Variants in ITGB8 observed in about 807,000 individuals in gnomAD.
The protein encoded by ITGB8 is integrin beta-8.
ITGB8 carries 30 observed loss-of-function variants against 89.5 expected under a neutral mutation model. The ratio of observed to expected loss-of-function variants is 0.34; its 90% CI spans 0.25 to 0.45. ITGB8 has a LOEUF of 0.45. Ranked by LOEUF, ITGB8 falls within the 20% of genes least tolerant of loss-of-function variation. ITGB8 has a pLI of 1.00. For synonymous variants in ITGB8, 335 were observed against 320.4 expected, an observed-to-expected ratio of 1.05 and a Z score of -0.49; for missense variants, 836 against 933.3, an observed-to-expected ratio of 0.90 and a Z score of 1.36.
chr7:20,353,894 T>A (rs1475965469), intron 1 of ITGB8, among the ~76,000 whole-genome samples: 1 of 110,478 alleles, frequency 9.1e-6, no homozygotes, highest in Non-Finnish European at 1.6e-5. Context: ...ATCGCGCCAC[T>A]GCACTCCAGC....
chr7:20,355,610 C>G (rs544400645), intron 1 of ITGB8, among the ~76,000 whole-genome samples: 1 of 152,242 alleles, frequency 6.6e-6, no homozygotes, highest in South Asian at 2.1e-4. Context: ...GTAGGTTTTT[C>G]TAAGTGAAAG....
chr7:20,400,527 C>A (rs1285687679), intron 9 of ITGB8, among the ~76,000 whole-genome samples: 1 of 152,116 alleles, frequency 6.6e-6, no homozygotes, highest in African/African-American at 2.4e-5. Context: ...TATATTCCAA[C>A]CAAAAAGCTC....
At chr7:20,397,934 C>A (rs1787154935) in intron 8 of ITGB8, among the ~76,000 whole-genome samples, 1 of 151,956 alleles carries the variant, frequency 6.6e-6, no homozygotes, top group South Asian at 2.1e-4. Context: ...TTTCTTTAGG[C>A]ACATACTTCG....
Position 20,344,367 on chromosome 7 carries a change from A to G in ITGB8, c.127+12434A>G, listed in dbSNP as rs574101164. Reference sequence around the variant, plus strand: ...TTCCAGCTATTTAGATTTTCAATACATATGGTCCACCTTTTCTAGGCATAG... The same window carrying G: ...TTCCAGCTATTTAGATTTTCAATACGTATGGTCCACCTTTTCTAGGCATAG... On this transcript the variant is annotated intron_variant, in intron 1 of 13. Transcript: ENST00000222573. Among the ~76,000 whole-genome samples the G allele has an allele frequency of 2.6e-5, 4 of 152,330 alleles. No individual in the cohort carries two copies. In the South Asian group the frequency reaches 8.3e-4, roughly 32 times the overall value.
At chr7:20,385,919 C>T (rs184515457) in intron 6 of ITGB8, among the ~76,000 whole-genome samples, 1 of 152,250 alleles carries the variant, frequency 6.6e-6, no homozygotes, top group African/African-American at 2.4e-5. Flanking sequence ...AGACAGAATT[C>T]CATGTGAGGA....
intron 1 of ITGB8, among the ~76,000 whole-genome samples, chr7:20,335,027 T>G (rs1784529862): frequency 6.6e-6 from 1 of 152,194 alleles, no homozygotes. Context: ...TCACCCAGCT[T>G]CATTAACCAT....
intron 1 of ITGB8, among the ~76,000 whole-genome samples, chr7:20,361,984 C>A (rs2127941225): frequency 6.6e-6 from 1 of 152,268 alleles, no homozygotes; most frequent in East Asian, 1.9e-4. Context: ...GAAGGAGATA[C>A]ATAGAGGAGA....
intron 6 of ITGB8, among the ~76,000 whole-genome samples, chr7:20,389,698 A>G (rs1461007998): frequency 6.6e-6 from 1 of 152,188 alleles, no homozygotes; most frequent in African/African-American, 2.4e-5. Context: ...AATATTTCCA[A>G]TACAGACAGA....
intron 1 of ITGB8, among the ~76,000 whole-genome samples, chr7:20,336,885 T>A (rs567256555): frequency 2.6e-5 from 4 of 152,322 alleles, no homozygotes; most frequent in African/African-American, 7.2e-5. Flanking sequence ...TAGTGAGCAA[T>A]CTAAAATTGG....
intron 9 of ITGB8, among the ~76,000 whole-genome samples, chr7:20,399,367 A>G (rs191492787): frequency 1.3e-5 from 2 of 152,324 alleles, no homozygotes; most frequent in East Asian, 3.9e-4. Flanking sequence ...CATATTCACA[A>G]ACTCTCAAAG....
intron 6 of ITGB8, among the ~76,000 whole-genome samples, chr7:20,390,311 T>C (rs1786802422): frequency 6.6e-6 from 1 of 152,164 alleles, no homozygotes; most frequent in Non-Finnish European, 1.5e-5. Flanking sequence ...CCAGTGAACT[T>C]TAACATCATC....
At chr7:20,369,423 G>C (rs757360819) in intron 3 of ITGB8, among the ~76,000 whole-genome samples, 10 of 152,168 alleles carry the variant, frequency 6.6e-5, no homozygotes, top group Non-Finnish European at 1.3e-4. Context: ...ACAGGGCAGA[G>C]AGAAAGTGAT....
rs966347486 is a variant in ITGB8, at chr7:20,382,066, T to C, written c.960+181T>C. The C allele has an allele frequency of 1.0e-5, 5 of 480,502 alleles. No homozygotes were observed. The South Asian group carries it at 2.3e-4, about 22-fold the overall frequency. 29.8% of individuals were successfully genotyped at this position (480,502 alleles called of 1,614,324 possible). On this transcript the variant is annotated intron_variant, in intron 6 of 13. Coordinates refer to ENST00000222573, the MANE Select transcript of ITGB8 (RefSeq NM_002214.3). Reference sequence around the variant, plus strand: ...TCTATAAATACTGATCAATAAAATATATGAATAAAACAGTTTGACAGTTTC... The same window carrying C: ...TCTATAAATACTGATCAATAAAATACATGAATAAAACAGTTTGACAGTTTC...
At chr7:20,351,608 A>G (rs1419540837) in intron 1 of ITGB8, among the ~76,000 whole-genome samples, 9 of 152,232 alleles carry the variant, frequency 5.9e-5, no homozygotes, top group African/African-American at 2.2e-4. Flanking sequence ...AAGATATTAA[A>G]TATATTTTTG....
chr7:20,344,339 A>T (rs1199179202), intron 1 of ITGB8, among the ~76,000 whole-genome samples: 1 of 152,134 alleles, frequency 6.6e-6, no homozygotes, highest in African/African-American at 2.4e-5. Flanking sequence ...GATTAACTGA[A>T]GGTTCCAGCT....
intron 7 of ITGB8, among the ~76,000 whole-genome samples, chr7:20,393,545 C>A (rs1324482806): frequency 3.3e-5 from 5 of 152,218 alleles, no homozygotes; most frequent in Non-Finnish European, 5.9e-5. Context: ...TTCAGCGGTG[C>A]CCTCTGAATT....
chr7:20,365,116 C>G (rs1562669776), intron 2 of ITGB8: 1 of 152,196 alleles, frequency 6.6e-6, no homozygotes, highest in South Asian at 2.1e-4. Context: ...AGAAAATAAT[C>G]TGGAGAGTCA....
At chr7:20,347,636 G>T (rs148455936) in intron 1 of ITGB8, among the ~76,000 whole-genome samples, 1 of 152,218 alleles carries the variant, frequency 6.6e-6, no homozygotes, top group African/African-American at 2.4e-5. Flanking sequence ...CATCATTCAA[G>T]TCAGGAAGAG....
chr7:20,337,557 T>C (rs867178486), intron 1 of ITGB8, among the ~76,000 whole-genome samples: 2 of 152,258 alleles, frequency 1.3e-5, no homozygotes, highest in Non-Finnish European at 2.9e-5. Flanking sequence ...CTGTTAGTTA[T>C]ATACTGTTAT....
Sources: gnomAD v4.1 joint callset for allele counts (sites outside exome capture counted in the v4.1 genomes callset) on GRCh38, gnomAD v4.1.1 for gene constraint, MANE v1.5 for transcripts, NCBI Gene and HGNC (gene_info 2026-07-23, HGNC 2026-07-21) for gene names.